Variants in TENM3 observed in about 807,000 individuals in gnomAD.
The protein encoded by TENM3 is teneurin transmembrane protein 3.
A neutral mutation model predicts 255.1 loss-of-function variants in TENM3; 63 were observed. The ratio of observed to expected loss-of-function variants is 0.25; its 90% CI spans 0.20 to 0.30. The LOEUF (loss-of-function observed/expected upper bound fraction) is 0.30, where lower values mean the gene tolerates loss of function less well. Among genes scored for constraint, TENM3 ranks in the 10% least tolerant of loss-of-function variants. TENM3 has a pLI of 1.00. For missense variants in TENM3, 2,929 were observed against 3,461.1 expected (o/e 0.85, Z 3.86); for synonymous variants, 1,306 against 1,322.3 (o/e 0.99, Z 0.27).
intron 3 of TENM3, among the ~76,000 whole-genome samples, chr4:182,452,730 C>G (rs1773568273): frequency 6.6e-6 from 1 of 152,158 alleles, no homozygotes; most frequent in African/African-American, 2.4e-5. Context: ...TAACACACTT[C>G]TTTATTCTAA....
At chr4:181,993,543 G>T in the TENM3 span, among the ~76,000 whole-genome samples, 2 of 152,016 alleles carry the variant, frequency 1.3e-5, no homozygotes, top group African/African-American at 2.4e-5. Flanking sequence ...CTAATGAACT[G>T]GTTTCAGAAA....
At chr4:181,482,632 C>T in the TENM3 span, among the ~76,000 whole-genome samples, 22 of 152,176 alleles carry the variant, frequency 1.4e-4, no homozygotes, top group Middle Eastern at 3.4e-3. Context: ...CTGTTTTCCC[C>T]TTTCTCCCTC....
chr4:182,126,510 A>G, the TENM3 span, among the ~76,000 whole-genome samples: 2 of 152,168 alleles, frequency 1.3e-5, no homozygotes, highest in African/African-American at 2.4e-5. Context: ...TTGGATTCAG[A>G]TGCTGCTTAC....
chr4:181,461,145 C>A, the TENM3 span, among the ~76,000 whole-genome samples: 3 of 151,876 alleles, frequency 2.0e-5, no homozygotes, highest in East Asian at 3.9e-4. Context: ...ATATAGAATT[C>A]TAGGTTGACT....
intron 24 of TENM3, among the ~76,000 whole-genome samples, chr4:182,778,014 T>C (rs1415138080): frequency 6.6e-6 from 1 of 152,074 alleles, no homozygotes; most frequent in Admixed American, 6.6e-5. Context: ...GAAACTGTGA[T>C]AGAGATGTAA....
intron 3 of TENM3, among the ~76,000 whole-genome samples, chr4:182,539,865 T>G (rs554263657): frequency 6.6e-6 from 1 of 152,322 alleles, no homozygotes; most frequent in South Asian, 2.1e-4. Flanking sequence ...GTTTGAGCTG[T>G]CTTCCAGACA....
intron 2 of TENM3, among the ~76,000 whole-genome samples, chr4:182,341,874 A>G (rs1219701200): frequency 2.6e-5 from 4 of 152,200 alleles, no homozygotes; most frequent in African/African-American, 9.6e-5. Flanking sequence ...CAGGGGAACA[A>G]TGATTCTTGT....
the TENM3 span, among the ~76,000 whole-genome samples, chr4:182,006,043 T>C: frequency 3.3e-5 from 5 of 152,256 alleles, no homozygotes; most frequent in East Asian, 9.7e-4. Flanking sequence ...CTTTTCCTAT[T>C]TGAATATCCT....
chr4:181,493,239 T>C, the TENM3 span, among the ~76,000 whole-genome samples: 1 of 146,496 alleles, frequency 6.8e-6, no homozygotes, highest in Admixed American at 6.9e-5. Context: ...AAAGTTACAG[T>C]GAGCTAGGAT....
At chr4:182,571,731 T>C (rs1438295790) in intron 3 of TENM3, among the ~76,000 whole-genome samples, 1 of 151,890 alleles carries the variant, frequency 6.6e-6, no homozygotes, top group Non-Finnish European at 1.5e-5. Flanking sequence ...AAAATAATTA[T>C]ATAAGAAACC....
chr4:182,258,652 TTA>T (rs1758585709), intron 1 of TENM3, among the ~76,000 whole-genome samples: 1 of 152,220 alleles, frequency 6.6e-6, no homozygotes, highest in Non-Finnish European at 1.5e-5. Flanking sequence ...TCACCTTGTG[TTA>T]CTTGTATGTG....
At chr4:182,773,354 C>A (rs2152797482) in intron 22 of TENM3, 118 bp from the exon 23 acceptor site, 1 of 901,174 alleles carries the variant, frequency 1.1e-6, no homozygotes, top group East Asian at 2.6e-5. Flanking sequence ...CATCGCTCAT[C>A]CACGAAGACA....
chr4:181,543,911 GA>G, the TENM3 span, among the ~76,000 whole-genome samples: 2 of 151,924 alleles, frequency 1.3e-5, no homozygotes, highest in African/African-American at 4.8e-5. Context: ...GAATAATAAA[GA>G]AAAAAATATA....
chr4:181,802,075 G>A, the TENM3 span, among the ~76,000 whole-genome samples: 1 of 152,130 alleles, frequency 6.6e-6, no homozygotes, highest in African/African-American at 2.4e-5. Flanking sequence ...TTACCACCAG[G>A]ATGGCCGGTT....
At chr4:182,070,173 G>C in the TENM3 span, among the ~76,000 whole-genome samples, 2 of 152,174 alleles carry the variant, frequency 1.3e-5, no homozygotes, top group African/African-American at 2.4e-5. Flanking sequence ...GCTGTGGGTA[G>C]GGACGATGTA....
the TENM3 span, among the ~76,000 whole-genome samples, chr4:181,755,066 A>G: frequency 6.6e-6 from 1 of 152,158 alleles, no homozygotes; most frequent in Non-Finnish European, 1.5e-5. Context: ...TCAGCTCAGT[A>G]CCAGTTGCTT....
intron 3 of TENM3, among the ~76,000 whole-genome samples, chr4:182,521,958 A>G (rs913907032): frequency 1.3e-5 from 2 of 152,220 alleles, no homozygotes; most frequent in Admixed American, 6.5e-5. Context: ...AAAATCATTC[A>G]GAAAAGAGAC....
the TENM3 span, among the ~76,000 whole-genome samples, chr4:181,994,995 A>G: frequency 6.6e-6 from 1 of 152,308 alleles, no homozygotes; most frequent in Admixed American, 6.5e-5. Flanking sequence ...GTTTCTAAGA[A>G]AAGTAGAATG....
intron 3 of TENM3, among the ~76,000 whole-genome samples, chr4:182,387,125 G>C (rs1768006978): frequency 6.6e-6 from 1 of 152,166 alleles, no homozygotes; most frequent in African/African-American, 2.4e-5. Context: ...CCGACACCCT[G>C]TATCTAGCTG....
Sources: allele counts gnomAD v4.1 joint callset (sites outside exome capture counted in the v4.1 genomes callset), GRCh38; gene constraint gnomAD v4.1.1; transcripts MANE v1.5; gene names NCBI Gene and HGNC (gene_info 2026-07-23, HGNC 2026-07-21).